LRSAM1: variants seen among roughly 807,000 people sequenced by gnomAD.
LRSAM1 encodes leucine rich repeat and sterile alpha motif containing 1, also known as E3 ubiquitin-protein ligase LRSAM1.
A neutral mutation model predicts 118.1 loss-of-function variants in LRSAM1; 96 were observed. The observed-to-expected ratio is 0.81, with a 90% CI of 0.69 to 0.96. The LOEUF is 0.96. Ranked by LOEUF, LRSAM1 falls within the 40% of genes least tolerant of loss-of-function variation. LRSAM1 has a pLI of 0.00. For missense variants in LRSAM1, 804 were observed against 915.5 expected, an observed-to-expected ratio of 0.88 and a Z score of 1.57; for synonymous variants, 322 against 364.2, an observed-to-expected ratio of 0.88 and a Z score of 1.32.
chr9:127,489,106 C>T (rs760132139), intron 18 of LRSAM1, among the ~76,000 whole-genome samples: 6 of 152,208 alleles, frequency 3.9e-5, no homozygotes, highest in Middle Eastern at 3.4e-3. Flanking sequence ...AAGTGGGGCT[C>T]GGGAGCTGGA....
rs140951361 is a variant in LRSAM1 at position 127,460,451 on chromosome 9, C to T, written c.322-722C>T. On this transcript the variant is annotated intron_variant, in intron 7 of 25. Transcript: ENST00000300417. The stretch of plus-strand genomic sequence containing the variant: ...GGCCTGAGGCCTTGGGTGGATCACA[C>T]GGCCTTAGGGCAGCCTTTTCCTTAA... Among the ~76,000 whole-genome samples the T allele has an allele frequency of 1.3e-4, 20 of 152,338 alleles. No individual in the cohort carries two copies. The East Asian group carries it at 2.7e-3, about 21-fold the overall frequency.
At chr9:127,491,364 C>T (rs1023621986) in intron 20 of LRSAM1, 69 bp downstream of exon 20, 3 of 1,253,512 alleles carry the variant, frequency 2.4e-6, no homozygotes, top group African/African-American at 3.0e-5. Flanking sequence ...CCCTCCCAGC[C>T]TCTGGCAGCT....
chr9:127,460,339 A>G (rs2255483), intron 7 of LRSAM1, among the ~76,000 whole-genome samples: 152,145 of 152,320 alleles, frequency 1, 75,987 homozygotes, highest in Non-Finnish European at 1. Context: ...TCATCCTGCT[A>G]GCCTTGCTCA....
At chr9:127,479,537 G>C in intron 13 of LRSAM1, 32 bp downstream of exon 13, 1 of 1,612,254 alleles carries the variant, frequency 6.2e-7, no homozygotes, top group South Asian at 1.1e-5. Context: ...GTCCAGCCTG[G>C]CTGCATCCCC....
chr9:127,497,402 G>A (rs1836195223), intron 24 of LRSAM1, 68 bp downstream of exon 24: 1 of 1,477,142 alleles, frequency 6.8e-7, no homozygotes. Context: ...GGTGGGGACA[G>A]TCATTTGCTT....
At chr9:127,473,755 C>G (rs1002938910) in intron 10 of LRSAM1, 46 bp from the exon 11 acceptor site, 14 of 1,613,816 alleles carry the variant, frequency 8.7e-6, no homozygotes, top group Non-Finnish European at 1.2e-5. Flanking sequence ...CTGGGTACCT[C>G]AGCTGTCTCC....
intron 15 of LRSAM1, among the ~76,000 whole-genome samples, chr9:127,481,928 G>A (rs534468825): frequency 8.6e-5 from 13 of 150,862 alleles, no homozygotes; most frequent in Non-Finnish European, 1.5e-4. Flanking sequence ...GGTGGCAGGC[G>A]CCTATGGTTC....
chr9:127,487,777 C>T lies in LRSAM1; in HGVS notation c.1347+14C>T, dbSNP rs1266735610. On this transcript the variant is annotated intron_variant, in intron 18 of 25. Transcript: ENST00000300417. ...ATCCTGCAGGAGGTGAGCCCTCGCC[C>T]AGAGCCTGAGGGTGGGAGCTCAGGA... 1.9e-6 allele frequency: 3 copies of T among 1,609,474 alleles called. No individual in the cohort carries two copies. The highest frequency in any genetic ancestry group is 2.5e-6 in the Non-Finnish European group (3 of 1,177,506).
intron 10 of LRSAM1, among the ~76,000 whole-genome samples, chr9:127,472,427 A>G (rs1248645667): frequency 2.0e-5 from 3 of 151,964 alleles, no homozygotes; most frequent in African/African-American, 7.2e-5. Context: ...AGATCCCCTG[A>G]GGTCAGGAGT....
intron 7 of LRSAM1, 29 bp downstream of exon 7, chr9:127,459,100 C>T (rs754459198): frequency 1.4e-5 from 22 of 1,609,530 alleles, no homozygotes; most frequent in East Asian, 6.7e-5. Context: ...AAACCCACCT[C>T]GGATGGCCTT....
rs149225646 is a variant in LRSAM1 at position 127,463,156 on chromosome 9, G to A, written c.528+783G>A. On this transcript the variant is annotated intron_variant, in intron 9 of 25. Coordinates refer to ENST00000300417, the MANE Select transcript of LRSAM1 (RefSeq NM_001005373.4). ...GGAGATTGCAGTGAGCCGAGATTGC[G>A]CCATTGCATTCCAGCCTGGACAACA... Among the ~76,000 whole-genome samples, 286 of 144,110 alleles carry A rather than the reference G, an allele frequency of 2.0e-3. 3 individuals carry two copies. The East Asian group carries it at 0.041, about 21-fold the overall frequency. The allele number at this position is 144,110 out of a possible 152,430, so 94.5% of individuals were successfully genotyped here.
At chr9:127,491,410 CA>C (rs1835929034) in intron 20 of LRSAM1, 115 bp downstream of exon 20, 1 of 797,340 alleles carries the variant, frequency 1.3e-6, no homozygotes, top group Non-Finnish European at 2.2e-6. Context: ...GCTTCCCCAG[CA>C]GACAGAGGGC....
chr9:127,462,423 C>T (rs775318697), intron 9 of LRSAM1, 50 bp downstream of exon 9: 2 of 1,612,304 alleles, frequency 1.2e-6, no homozygotes, highest in Admixed American at 3.3e-5. Flanking sequence ...CTGCCCACCT[C>T]CCCTCTCTCC....
chr9:127,495,341 G>A lies in LRSAM1; in HGVS notation c.1621G>A (p.Glu541Lys). 1 of 1,614,080 alleles carries A rather than the reference G, an allele frequency of 6.2e-7. No homozygotes were observed. The highest frequency in any genetic ancestry group is 8.5e-7 in the Non-Finnish European group (1 of 1,180,000). ...GCAGACGGAGTTAGAAGCCAAAAGT[G>A]AAACCAGGCAGGAAAATTACTGGCT... ...EILTELEAKSETRQENYWLIQ... is the reference protein window; with the variant it reads ...EILTELEAKSKTRQENYWLIQ... The change falls in exon 22 of 26, where the codon GAA (glutamate) becomes AAA (lysine). Residue 541 changes from glutamate to lysine, a missense_variant. Physicochemically the swap from Glu to Lys is moderately conservative, Grantham distance 56 (BLOSUM62 1). Coordinates refer to ENST00000300417, the MANE Select transcript of LRSAM1 (RefSeq NM_001005373.4).
chr9:127,479,586 A>G, intron 13 of LRSAM1, 81 bp downstream of exon 13: 1 of 1,586,372 alleles, frequency 6.3e-7, no homozygotes, highest in African/African-American at 1.3e-5. Context: ...GGTCCCTCGG[A>G]TGTGGAAAGG....
At chr9:127,498,068 C>T (rs1261096308) in intron 24 of LRSAM1, among the ~76,000 whole-genome samples, 1 of 152,184 alleles carries the variant, frequency 6.6e-6, no homozygotes, top group African/African-American at 2.4e-5. Flanking sequence ...AGAGGGCAGT[C>T]TTGTGCTGCT....
chr9:127,463,701 A>G (rs913923737), intron 9 of LRSAM1, among the ~76,000 whole-genome samples: 9 of 152,140 alleles, frequency 5.9e-5, no homozygotes, highest in African/African-American at 1.9e-4. Context: ...GGATTTCCAC[A>G]TAGGAACTTG....
chr9:127,458,279 G>T (rs1350716355), intron 6 of LRSAM1, among the ~76,000 whole-genome samples: 1 of 152,106 alleles, frequency 6.6e-6, no homozygotes, highest in Non-Finnish European at 1.5e-5. Flanking sequence ...CTACTCGGGA[G>T]GCTGAGGCAG....
chr9:127,496,553 T>C (rs1189723396), intron 23 of LRSAM1, among the ~76,000 whole-genome samples: 1 of 152,242 alleles, frequency 6.6e-6, no homozygotes, highest in Non-Finnish European at 1.5e-5. Flanking sequence ...CACCTGCACG[T>C]GCGGGGCACC....
Sources: gnomAD v4.1 joint callset for allele counts (sites outside exome capture counted in the v4.1 genomes callset) on GRCh38, gnomAD v4.1.1 for gene constraint, MANE v1.5 for transcripts, NCBI Gene and HGNC (gene_info 2026-07-23, HGNC 2026-07-21) for gene names.